Variants in TMEM74 observed in about 807,000 individuals in gnomAD.
TMEM74 encodes transmembrane protein 74.
TMEM74 carries 13 observed loss-of-function variants against 18.1 expected under a neutral mutation model. That is an observed-to-expected ratio of 0.72 (90% confidence interval 0.47 to 1.14). The LOEUF (loss-of-function observed/expected upper bound fraction) is 1.14, where lower values mean the gene tolerates loss of function less well. TMEM74 is among the 50% of genes most tolerant of loss of function. TMEM74 has a pLI of 0.00. For missense variants in TMEM74, 372 were observed against 375.9 expected (o/e 0.99, Z 0.09); for synonymous variants, 159 against 146.6 (o/e 1.08, Z -0.61).
intron 1 of TMEM74, among the ~76,000 whole-genome samples, chr8:108,673,992 T>G (rs1813029458): frequency 6.6e-6 from 1 of 152,196 alleles, no homozygotes; most frequent in African/African-American, 2.4e-5. Flanking sequence ...ACGTCCCAAG[T>G]TAAACATTTT....
chr8:108,626,931 G>A (rs1786338966), intron 2 of TMEM74, among the ~76,000 whole-genome samples: 1 of 151,980 alleles, frequency 6.6e-6, no homozygotes, highest in Non-Finnish European at 1.5e-5. Context: ...ATTTCTTAAT[G>A]GTCATTACTA....
chr8:108,770,524 T>C (rs1298907519), intron 1 of TMEM74, among the ~76,000 whole-genome samples: 2 of 152,150 alleles, frequency 1.3e-5, no homozygotes, highest in African/African-American at 4.8e-5. Context: ...AATAATGCCA[T>C]CTAGCTTCCA....
In TMEM74 at chr8:108,784,608, C is replaced by T; in HGVS notation, c.491G>A (p.Ser164Asn). 1 of 1,614,162 alleles carries T rather than the reference C, an allele frequency of 6.2e-7. No homozygotes were observed. Among genetic ancestry groups the T allele is most frequent in the Non-Finnish European group, 8.5e-7 (1 of 1,180,020 alleles). ...CTTCCCTGAAGACGTGGCTTCTGAACTTGTATCATCCTCCTCTTCAGATAT... is the reference window on the plus strand; with the variant it reads ...CTTCCCTGAAGACGTGGCTTCTGAATTTGTATCATCCTCCTCTTCAGATAT... Reference protein sequence around the residue: ...SLISEEEDDTSSEATSSGKSI... With the variant: ...SLISEEEDDTNSEATSSGKSI... The change falls in exon 2 of 2, where the codon AGT becomes AAT. Residue 164 changes from serine (S) to asparagine (N), a missense_variant. Coordinates refer to ENST00000297459, the MANE Select transcript of TMEM74 (RefSeq NM_153015.3).
At chr8:108,707,947 G>A (rs186202226) in intron 1 of TMEM74, among the ~76,000 whole-genome samples, 38 of 152,248 alleles carry the variant, frequency 2.5e-4, no homozygotes, top group Admixed American at 2.2e-3. Context: ...GTGTGTCATC[G>A]GTTTTGATGT....
chr8:108,723,655 C>T (rs1813606972), intron 1 of TMEM74, among the ~76,000 whole-genome samples: 1 of 152,052 alleles, frequency 6.6e-6, no homozygotes, highest in Non-Finnish European at 1.5e-5. Context: ...CTCTGAATAG[C>T]CTACAGAAGC....
At chr8:108,676,389 G>A (rs1813056537) in intron 1 of TMEM74, among the ~76,000 whole-genome samples, 1 of 152,006 alleles carries the variant, frequency 6.6e-6, no homozygotes, top group Non-Finnish European at 1.5e-5. Flanking sequence ...TATTTCTGAT[G>A]CACTGGCCTC....
At chr8:108,718,019 C>T (rs1440841418) in intron 1 of TMEM74, among the ~76,000 whole-genome samples, 5 of 55,036 alleles carry the variant, frequency 9.1e-5, no homozygotes, top group South Asian at 8.1e-4. Context: ...AGTGCAGTGG[C>T]GGGATCTCGG....
At position 108,782,137 on chromosome 8, in the gene TMEM74, T is replaced by C. The variant is rs1254874450; in HGVS notation, c.*2044A>G. Among the ~76,000 whole-genome samples, 1 of 152,180 alleles carries C rather than the reference T, an allele frequency of 6.6e-6. No homozygotes were observed. Among genetic ancestry groups the C allele is most frequent in the Non-Finnish European group, 1.5e-5 (1 of 68,032 alleles). ...AGCTCAGACCTACTCACTCAGCAGATCGTTTCCTTCTTGTTTCAACATCAT... is the reference window on the plus strand; with the variant it reads ...AGCTCAGACCTACTCACTCAGCAGACCGTTTCCTTCTTGTTTCAACATCAT... On this transcript the variant is annotated 3_prime_UTR_variant, in exon 2 of 2. Transcript: ENST00000297459.
chr8:108,631,451 A>G (rs1812551664), intron 2 of TMEM74, among the ~76,000 whole-genome samples: 1 of 152,000 alleles, frequency 6.6e-6, no homozygotes, highest in South Asian at 2.1e-4. Context: ...TAACTCTCCC[A>G]TTTGCTTTCC....
chr8:108,765,640 C>T (rs1814098173), intron 1 of TMEM74, among the ~76,000 whole-genome samples: 1 of 151,906 alleles, frequency 6.6e-6, no homozygotes, highest in Non-Finnish European at 1.5e-5. Context: ...AACTCCTGAC[C>T]TCAAGTGATC....
chr8:108,623,177 G>C (rs1038630416), intron 2 of TMEM74, among the ~76,000 whole-genome samples: 1 of 152,074 alleles, frequency 6.6e-6, no homozygotes, highest in Non-Finnish European at 1.5e-5. Context: ...AGTTTTGACT[G>C]TATGTCAAGG....
chr8:108,690,048 T>C (rs902247193), intron 1 of TMEM74, among the ~76,000 whole-genome samples: 1 of 152,204 alleles, frequency 6.6e-6, no homozygotes, highest in East Asian at 1.9e-4. Flanking sequence ...TAAATACATA[T>C]ATATACATAC....
intron 1 of TMEM74, among the ~76,000 whole-genome samples, chr8:108,758,628 A>C (rs55740274): frequency 2.6e-3 from 395 of 152,232 alleles, no homozygotes; most frequent in Non-Finnish European, 4.9e-3. Context: ...TGATGGGAGA[A>C]TAAATGAGAT....
rs531693217 is a variant in TMEM74, at chr8:108,679,061, T to C, written n.120-23624A>G. ...TGGTTTCCAGTTTCATCCATGTCCC[T>C]ACAAAGGACATGAACTCTTCATTTT... On this transcript the variant is annotated intron_variant and non_coding_transcript_variant, in intron 1 of 3. Transcript: ENST00000518838. Among the ~76,000 whole-genome samples, 118 of 152,244 alleles carry C rather than the reference T, an allele frequency of 7.8e-4. 1 individual carries two copies. Among genetic ancestry groups the C allele is most frequent in the Non-Finnish European group, 1.5e-3 (103 of 68,012 alleles).
At chr8:108,614,595 A>G (rs1340474932) in intron 2 of TMEM74, among the ~76,000 whole-genome samples, 1 of 152,222 alleles carries the variant, frequency 6.6e-6, no homozygotes, top group Non-Finnish European at 1.5e-5. Context: ...ATGCTACTAA[A>G]CCATCTGCAA....
chr8:108,615,869 C>T (rs998132772), intron 2 of TMEM74, among the ~76,000 whole-genome samples: 1 of 143,258 alleles, frequency 7.0e-6, no homozygotes, highest in Non-Finnish European at 1.5e-5. Context: ...TCACTGCAAC[C>T]TCCGCCTTCC....
chr8:108,684,885 T>C (rs1025472489), intron 1 of TMEM74, among the ~76,000 whole-genome samples: 2 of 152,090 alleles, frequency 1.3e-5, no homozygotes, highest in Non-Finnish European at 2.9e-5. Flanking sequence ...TCCAGCTTTG[T>C]TCTTTTTGCT....
chr8:108,653,402 C>A (rs1381841693), intron 2 of TMEM74: 1 of 152,330 alleles, frequency 6.6e-6, no homozygotes, highest in Non-Finnish European at 1.5e-5. Flanking sequence ...GACACACTTG[C>A]CTTTACTTGA....
In TMEM74 at chr8:108,709,819, C is replaced by A. The variant is rs192870095; in HGVS notation, n.120-54382G>T. ...TGATGGTATATTGTGTTTGGATTGTCCAAACTCTTCAAATTGAACATATTA... is the reference window on the plus strand; with the variant it reads ...TGATGGTATATTGTGTTTGGATTGTACAAACTCTTCAAATTGAACATATTA... On this transcript the variant is annotated intron_variant and non_coding_transcript_variant, in intron 1 of 3. Transcript: ENST00000518838. Among the ~76,000 whole-genome samples the A allele has an allele frequency of 9.9e-5, 15 of 152,206 alleles. No homozygotes were observed. The East Asian group carries it at 2.9e-3, about 29-fold the overall frequency.
Sources: allele counts gnomAD v4.1 joint callset (sites outside exome capture counted in the v4.1 genomes callset), GRCh38; gene constraint gnomAD v4.1.1; transcripts MANE v1.5; gene names NCBI Gene and HGNC (gene_info 2026-07-23, HGNC 2026-07-21).